MICAL3: variants seen among roughly 807,000 people sequenced by gnomAD.
MICAL3 encodes the protein microtubule associated monooxygenase, calponin and LIM domain containing 3.
A neutral mutation model predicts 207.4 loss-of-function variants in MICAL3; 62 were observed. That is an observed-to-expected ratio of 0.30 (90% CI 0.24 to 0.37). The LOEUF (loss-of-function observed/expected upper bound fraction) is 0.37, where lower values mean the gene tolerates loss of function less well. Among genes scored for constraint, MICAL3 ranks in the 10% least tolerant of loss-of-function variants. The pLI, the probability that MICAL3 is intolerant of heterozygous loss-of-function variation, is 1.00. For missense variants in MICAL3, 2,368 were observed against 2,635.6 expected (o/e 0.90, Z 2.22); for synonymous variants, 1,077 against 1,069.3 (o/e 1.01, Z -0.14).
At position 17,993,640 on chromosome 22, in the gene MICAL3, G is replaced by A. The variant is rs531173587; in HGVS notation, c.-75+30641C>T. Among the ~76,000 whole-genome samples the A allele has an allele frequency of 6.6e-5, 10 of 151,924 alleles. No individual in the cohort carries two copies. In the East Asian group the frequency reaches 1.9e-3, roughly 29 times the overall value. On this transcript the variant is annotated intron_variant, in intron 1 of 31. Coordinates refer to ENST00000441493, the MANE Select transcript of MICAL3 (RefSeq NM_015241.3). ...ACACACAGTGTCTTAAGTGCCCCCC[G>A]GGAAGCCCCCCTGCGCCCACACTCT...
chr22:17,879,226 G>A (rs376787804), intron 16 of MICAL3: 3 of 739,848 alleles, frequency 4.1e-6, no homozygotes, highest in East Asian at 2.8e-5. Flanking sequence ...GGTGACAAGA[G>A]CGTGCAAAAA....
intron 1 of MICAL3, among the ~76,000 whole-genome samples, chr22:17,987,481 T>A (rs1921157325): frequency 6.6e-6 from 1 of 152,188 alleles, no homozygotes; most frequent in Non-Finnish European, 1.5e-5. Context: ...CTGCTCTCCC[T>A]CTAGGCCACT....
At chr22:17,833,044 G>C (rs370529217) in intron 20 of MICAL3, among the ~76,000 whole-genome samples, 1 of 152,148 alleles carries the variant, frequency 6.6e-6, no homozygotes, top group Non-Finnish European at 1.5e-5. Flanking sequence ...AAGCGTGGCC[G>C]ACATAGGAAG....
At chr22:17,805,394 C>T (rs1199037877) in intron 29 of MICAL3, among the ~76,000 whole-genome samples, 6 of 152,204 alleles carry the variant, frequency 3.9e-5, no homozygotes, top group African/African-American at 9.7e-5. Context: ...GATGTATTCA[C>T]GTAAGAGAAG....
intron 20 of MICAL3, chr22:17,834,190 GTTGA>G (rs1348857590): frequency 1.0e-6 from 1 of 1,004,220 alleles, no homozygotes; most frequent in Non-Finnish European, 1.2e-6. Flanking sequence ...GTGACTGTGA[GTTGA>G]TTATTTGTGC....
At position 17,849,643 on chromosome 22, in the gene MICAL3, AATGTGTGTGT is replaced by A. The variant is rs1268391890; in HGVS notation, c.2606-7636_2606-7627del. ...AGCCACTGTGCCTGGCCCAGAATGG[AATGTGTGTGT>A]GTGTGTGTGTGTGTGTGTGTGTGTG... On this transcript the variant is annotated intron_variant, in intron 19 of 31. Coordinates refer to ENST00000441493, the MANE Select transcript of MICAL3 (RefSeq NM_015241.3). Among the ~76,000 whole-genome samples the A allele has an allele frequency of 9.9e-4, 119 of 120,234 alleles. 3 individuals are homozygous for A. Among genetic ancestry groups the A allele is most frequent in the South Asian group, 4.3e-3 (13 of 3,028 alleles). The allele number at this position is 120,234 out of a possible 152,430, so 78.9% of individuals were successfully genotyped here. A position where few individuals can be genotyped will look rare whatever the true frequency, so the allele number is the denominator to read the frequency against.
At chr22:17,791,178 C>T (rs747042375) in intron 30 of MICAL3, 24 bp downstream of exon 30, 15 of 1,611,566 alleles carry the variant, frequency 9.3e-6, no homozygotes, top group Admixed American at 3.3e-5. Flanking sequence ...ATAGCGCTGA[C>T]GCCCCCTACC....
intron 11 of MICAL3, among the ~76,000 whole-genome samples, chr22:17,893,344 G>A (rs1930533344): frequency 6.6e-6 from 1 of 151,994 alleles, no homozygotes; most frequent in African/African-American, 2.4e-5. Flanking sequence ...AAGTATTCAG[G>A]GCCTTCAATA....
chr22:17,905,417 G>A (rs912486242), intron 2 of MICAL3, among the ~76,000 whole-genome samples: 1 of 152,178 alleles, frequency 6.6e-6, no homozygotes, highest in Admixed American at 6.5e-5. Context: ...CCACACTCCA[G>A]AGAAGTACTG....
chr22:17,868,783 C>A (rs904349406), intron 17 of MICAL3, among the ~76,000 whole-genome samples: 2 of 152,034 alleles, frequency 1.3e-5, no homozygotes, highest in African/African-American at 4.8e-5. Context: ...TCACCCAGGC[C>A]CGAGTGCCAC....
intron 16 of MICAL3, chr22:17,884,342 C>G (rs755465277): frequency 1.3e-6 from 2 of 1,592,320 alleles, no homozygotes; most frequent in Admixed American, 3.6e-5. Flanking sequence ...CTGGCTGGCC[C>G]CACGCTCTTG....
intron 19 of MICAL3, among the ~76,000 whole-genome samples, chr22:17,848,641 T>C (rs1284937846): frequency 6.6e-6 from 1 of 152,184 alleles, no homozygotes; most frequent in Non-Finnish European, 1.5e-5. Flanking sequence ...GATGGGTCAC[T>C]ACCTGCCTCG....
chr22:17,894,783 C>T (rs1235505454), intron 10 of MICAL3, among the ~76,000 whole-genome samples: 1 of 135,780 alleles, frequency 7.4e-6, no homozygotes, highest in Non-Finnish European at 1.5e-5. Flanking sequence ...GGTGACAGAG[C>T]GAGATTCCAT....
intron 17 of MICAL3, among the ~76,000 whole-genome samples, chr22:17,870,759 C>A (rs981074462): frequency 6.6e-6 from 1 of 152,154 alleles, no homozygotes; most frequent in Admixed American, 6.5e-5. Context: ...ATCTAAACAG[C>A]GTCCTAATTC....
chr22:18,010,899 G>T (rs1337833393), intron 1 of MICAL3, among the ~76,000 whole-genome samples: 1 of 152,074 alleles, frequency 6.6e-6, no homozygotes, highest in Non-Finnish European at 1.5e-5. Flanking sequence ...CCATACTTTT[G>T]TAATGGGGAA....
At position 17,788,446 on chromosome 22, in the gene MICAL3, T is replaced by A. The variant is rs550844475; in HGVS notation, c.*2286A>T. 1 of 152,422 alleles carries A rather than the reference T, an allele frequency of 6.6e-6. No individual in the cohort carries two copies. The highest frequency in any genetic ancestry group is 2.1e-4 in the South Asian group (1 of 4,824). The allele number at this position is 152,422 out of a possible 1,614,324, so 9.4% of individuals were successfully genotyped here. A position where few individuals can be genotyped will look rare whatever the true frequency, so the allele number is the denominator to read the frequency against. On this transcript the variant is annotated 3_prime_UTR_variant, in exon 32 of 32. Coordinates refer to ENST00000441493, the MANE Select transcript of MICAL3 (RefSeq NM_015241.3). ...CTTCCAAGCCACTTTGCAAACTGTT[T>A]CCCTGTTGTGGGGCCAGCAGGAGCT... is the stretch of plus-strand genomic sequence containing the variant.
At chr22:17,959,846 G>C (rs1403391111) in intron 1 of MICAL3, among the ~76,000 whole-genome samples, 1 of 150,456 alleles carries the variant, frequency 6.6e-6, no homozygotes, top group Non-Finnish European at 1.5e-5. Context: ...AAAGGGTACA[G>C]AAAAAAAAAA....
chr22:17,966,364 C>G (rs7290762), intron 1 of MICAL3, among the ~76,000 whole-genome samples: 30,456 of 152,166 alleles, frequency 0.2, 3,207 homozygotes, highest in Middle Eastern at 0.27. Flanking sequence ...TCCAGAACCC[C>G]GCAGAAGACC....
chr22:17,791,477 G>A (rs982678096), intron 29 of MICAL3, 176 bp from the exon 30 acceptor site: 6 of 622,148 alleles, frequency 9.6e-6, no homozygotes, highest in South Asian at 9.3e-5. Context: ...CCCTTCCTGG[G>A]GCCTGCGCTT....
Sources: gnomAD v4.1 joint callset for allele counts (sites outside exome capture counted in the v4.1 genomes callset) on GRCh38, gnomAD v4.1.1 for gene constraint, MANE v1.5 for transcripts, NCBI Gene and HGNC (gene_info 2026-07-23, HGNC 2026-07-21) for gene names.